Variants in ZNF865 observed in about 807,000 individuals in gnomAD.
ZNF865 encodes zinc finger protein 865.
For missense variants in ZNF865, 1,311 were observed against 1,593.4 expected, an observed-to-expected ratio of 0.82 and a Z score of 3.02; for synonymous variants, 763 against 750.8, an observed-to-expected ratio of 1.02 and a Z score of -0.27.
intron 1 of ZNF865, among the ~76,000 whole-genome samples, chr19:55,608,352 T>C (rs139282808): frequency 0.012 from 1,741 of 148,500 alleles, 41 homozygotes; most frequent in African/African-American, 0.041. Flanking sequence ...TTCGCTCTTG[T>C]TGCCCAGGCT....
At position 55,615,684 on chromosome 19, in the gene ZNF865, A is replaced by G; in HGVS notation, c.2066A>G (p.Glu689Gly). The G allele has an allele frequency of 6.5e-7, 1 of 1,534,370 alleles. No homozygotes were observed. The change falls in exon 2 of 2, where the codon GAG becomes GGG. Residue 689 changes from glutamate to glycine, a missense_variant. By Grantham distance (98) the Glu-to-Gly change is moderately conservative. Transcript: ENST00000568956. The part of the protein sequence containing the change: ...PDLFHVMSHK[E>G]VHMAEKPYGC... ...CTCTTTCACGTCATGAGTCACAAGGAGGTCCACATGGCAGAGAAGCCATAC... is the reference window on the plus strand; with the variant it reads ...CTCTTTCACGTCATGAGTCACAAGGGGGTCCACATGGCAGAGAAGCCATAC...
In ZNF865 at chr19:55,617,018, C is replaced by T; in HGVS notation, c.*220C>T. 1 of 456,896 alleles carries T rather than the reference C, an allele frequency of 2.2e-6. No individual in the cohort carries two copies. The highest frequency in any genetic ancestry group is 5.9e-5 in the South Asian group (1 of 16,994). The allele number at this position is 456,896 out of a possible 1,614,324, so 28.3% of individuals were successfully genotyped here. ...CATCCCATCAGACACTGAACCCTAT[C>T]CTCCGTCCAACCCTCGTTTGTGACC... is the stretch of plus-strand genomic sequence containing the variant. On this transcript the variant is annotated 3_prime_UTR_variant, in exon 2 of 2. Coordinates refer to ENST00000568956, the MANE Select transcript of ZNF865 (RefSeq NM_001195605.2).
Position 55,613,804 on chromosome 19 carries a change from C to CG in ZNF865, c.188dup (p.Pro66AlafsTer13), listed in dbSNP as rs1600012689. ...CGGTGGCGGCCCTGCCCTGCGCCCC[C>CG]GGCCCCCCGCCGCAGCCCCCGCCGC... On this transcript the variant is annotated frameshift_variant, in exon 2 of 2. Coordinates refer to ENST00000568956, the MANE Select transcript of ZNF865 (RefSeq NM_001195605.2). LOFTEE classifies it low-confidence loss of function (END_TRUNC). The CG allele has an allele frequency of 1.3e-6, 2 of 1,507,870 alleles. No homozygotes were observed. Among genetic ancestry groups the CG allele is most frequent in the Non-Finnish European group, 8.8e-7 (1 of 1,132,510 alleles). The allele number at this position is 1,507,870 out of a possible 1,614,324, so 93.4% of individuals were successfully genotyped here.
At chr19:55,613,458 A>G in intron 1 of ZNF865, 135 bp from the exon 2 acceptor site, 1 of 799,994 alleles carries the variant, frequency 1.3e-6, no homozygotes, top group Non-Finnish European at 1.9e-6. Context: ...GGACAGGCAG[A>G]GGGACTGGAA....
Position 55,614,270 on chromosome 19 carries a change from T to G in ZNF865, c.652T>G (p.Tyr218Asp). Residue 218 changes from tyrosine to aspartate, a missense_variant, in exon 2 of 2, where the codon TAC (tyrosine) becomes GAC (aspartate). Tyr to Asp is a radical substitution (Grantham distance 160, BLOSUM62 -3). Transcript: ENST00000568956. The surrounding 1 kb of genome is among the most constrained non-coding windows in gnomAD (Gnocchi z 8.0). ...CAAGGGCTACTTCCGGAGACTGAAGTACCTGATGGAGCGGCGCTTCCCCTG... is the reference window on the plus strand; with the variant it reads ...CAAGGGCTACTTCCGGAGACTGAAGGACCTGATGGAGCGGCGCTTCCCCTG... Reference protein sequence around the residue: ...DDKGYFRRLKYLMERRFPCGV... With the variant: ...DDKGYFRRLKDLMERRFPCGV... The G allele has an allele frequency of 2.6e-6, 4 of 1,516,810 alleles. No homozygotes were observed. Among genetic ancestry groups the G allele is most frequent in the Non-Finnish European group, 3.5e-6 (4 of 1,137,798 alleles). The allele number at this position is 1,516,810 out of a possible 1,614,324, so 94.0% of individuals were successfully genotyped here. A position where few individuals can be genotyped will look rare whatever the true frequency, so the allele number is the denominator to read the frequency against.
intron 1 of ZNF865, among the ~76,000 whole-genome samples, chr19:55,608,439 C>T (rs533923026): frequency 1.2e-4 from 19 of 152,050 alleles, no homozygotes; most frequent in East Asian, 1.2e-3. Context: ...CTCAGCCTCC[C>T]GAGTAGCTGG....
In ZNF865 at chr19:55,614,341, G is replaced by A; in HGVS notation, c.723G>A (p.Gln241=). 1 of 1,492,902 alleles carries A rather than the reference G, an allele frequency of 6.7e-7. No homozygotes were observed. The highest frequency in any genetic ancestry group is 2.8e-5 in the East Asian group (1 of 36,040). The allele number at this position is 1,492,902 out of a possible 1,614,324, so 92.5% of individuals were successfully genotyped here. Residue 241 remains glutamine (Q), a synonymous_variant, in exon 2 of 2, where the codon CAG becomes CAA. Transcript: ENST00000568956. This position sits in a 1 kb window ranked among gnomAD's most constrained non-coding sequence, Gnocchi z 8.0. ...TCAAGCAGTCCTCGCACCTGGTCCA[G>A]CACATGCTGGTGCACTCGGGGGAGA... ...KSFKQSSHLV[Q]HMLVHSGERP... is the part of the protein sequence containing the mutation.
chr19:55,616,120 C>T lies in ZNF865; in HGVS notation c.2502C>T (p.Asp834=). 1 of 1,492,802 alleles carries T rather than the reference C, an allele frequency of 6.7e-7. No homozygotes were observed. Among genetic ancestry groups the T allele is most frequent in the Non-Finnish European group, 8.9e-7 (1 of 1,123,308 alleles). 92.5% of individuals were successfully genotyped at this position (1,492,802 alleles called of 1,614,324 possible). The change falls in exon 2 of 2, where the codon GAC becomes GAT. Residue 834 remains aspartate (D), a synonymous_variant. Transcript: ENST00000568956. ...GCCAGAGCTTCGCGGGCGCCTACGA[C>T]TTGCTCCTACACCGCCGCAGCCATC... The part of the protein sequence containing the change: ...LCGQSFAGAY[D]LLLHRRSHRQ...
intron 1 of ZNF865, among the ~76,000 whole-genome samples, chr19:55,606,142 C>A (rs1980932094): frequency 6.6e-6 from 1 of 152,104 alleles, no homozygotes; most frequent in Non-Finnish European, 1.5e-5. Flanking sequence ...ATAATTCTCC[C>A]CAGAGTGTTT....
chr19:55,614,956 C>T lies in ZNF865; in HGVS notation c.1338C>T (p.Cys446=). The change falls in exon 2 of 2, where the codon TGC becomes TGT. Residue 446 remains cysteine, a synonymous_variant. Coordinates refer to ENST00000568956, the MANE Select transcript of ZNF865 (RefSeq NM_001195605.2). The surrounding 1 kb of genome is among the most constrained non-coding windows in gnomAD (Gnocchi z 8.0). ...GPRPVYPCDL[C]GKSYSAPQSL... Reference sequence around the variant, plus strand: ...GGCCCGTGTACCCCTGCGACCTGTGCGGCAAGTCCTACTCGGCTCCGCAGA... The same window carrying T: ...GGCCCGTGTACCCCTGCGACCTGTGTGGCAAGTCCTACTCGGCTCCGCAGA... 5 of 1,469,768 alleles carry T rather than the reference C, an allele frequency of 3.4e-6. No individual in the cohort carries two copies. Among genetic ancestry groups the T allele is most frequent in the Non-Finnish European group, 4.5e-6 (5 of 1,117,922 alleles). 91.0% of individuals were successfully genotyped at this position (1,469,768 alleles called of 1,614,324 possible).
intron 1 of ZNF865, among the ~76,000 whole-genome samples, chr19:55,608,754 A>G (rs1039273790): frequency 6.6e-6 from 1 of 152,238 alleles, no homozygotes; most frequent in Non-Finnish European, 1.5e-5. Flanking sequence ...AACAAGCCAC[A>G]TAAGGCACCT....
rs1230934268 is a variant in ZNF865 at position 55,615,139 on chromosome 19, G to C, written c.1521G>C (p.Ala507=). 4 of 1,192,714 alleles carry C rather than the reference G, an allele frequency of 3.4e-6. No homozygotes were observed. Among genetic ancestry groups the C allele is most frequent in the South Asian group, 5.7e-5 (2 of 35,026 alleles). The allele number at this position is 1,192,714 out of a possible 1,614,324, so 73.9% of individuals were successfully genotyped here. ...DPPTTDSEKA[A]AAAAAVVYGA... is the part of the protein sequence containing the mutation. Reference sequence around the variant, plus strand: ...CCACCACAGACAGCGAGAAGGCGGCGGCGGCCGCGGCGGCGGTGGTGTACG... The same window carrying C: ...CCACCACAGACAGCGAGAAGGCGGCCGCGGCCGCGGCGGCGGTGGTGTACG... The change falls in exon 2 of 2, where the codon GCG becomes GCC. Residue 507 remains alanine, a synonymous_variant. Coordinates refer to ENST00000568956, the MANE Select transcript of ZNF865 (RefSeq NM_001195605.2).
chr19:55,613,894 C>T lies in ZNF865; in HGVS notation c.276C>T (p.Pro92=), dbSNP rs988492707. 3 of 1,515,058 alleles carry T rather than the reference C, an allele frequency of 2.0e-6. No individual in the cohort carries two copies. In the African/African-American group the frequency reaches 4.2e-5, roughly 21 times the overall value. 93.9% of individuals were successfully genotyped at this position (1,515,058 alleles called of 1,614,324 possible). The stretch of plus-strand genomic sequence containing the variant: ...CCTTCAAGCCCAAGGCGGAGGTGCC[C>T]TCCTCGTCCTCGTCCTCGTCCTCCT... ...QSTFKPKAEV[P]SSSSSSSSSS... The change falls in exon 2 of 2, where the codon CCC becomes CCT. Residue 92 remains proline, a synonymous_variant. Coordinates refer to ENST00000568956, the MANE Select transcript of ZNF865 (RefSeq NM_001195605.2).
In ZNF865 at chr19:55,615,230, G is replaced by C; in HGVS notation, c.1612G>C (p.Ala538Pro). 1 of 1,505,378 alleles carries C rather than the reference G, an allele frequency of 6.6e-7. No individual in the cohort carries two copies. The highest frequency in any genetic ancestry group is 8.8e-7 in the Non-Finnish European group (1 of 1,134,800). 93.3% of individuals were successfully genotyped at this position (1,505,378 alleles called of 1,614,324 possible). A position where few individuals can be genotyped will look rare whatever the true frequency, so the allele number is the denominator to read the frequency against. ...GCTCGGCGGCGCGGGGACCAGCGGG[G>C]CGGGAGGCTCGGGCGCCAGCGTCCC... ...LLLGGAGTSGAGGSGASVPGK... is the reference protein window; with the variant it reads ...LLLGGAGTSGPGGSGASVPGK... Residue 538 changes from alanine to proline, a missense_variant, in exon 2 of 2, where the codon GCG becomes CCG. Coordinates refer to ENST00000568956, the MANE Select transcript of ZNF865 (RefSeq NM_001195605.2).
At position 55,616,337 on chromosome 19, in the gene ZNF865, G is replaced by C. The variant is rs1248743733; in HGVS notation, c.2719G>C (p.Gly907Arg). The change falls in exon 2 of 2, where the codon GGC becomes CGC. Residue 907 changes from glycine to arginine, a missense_variant. Physicochemically the swap from Gly to Arg is moderately radical, Grantham distance 125 (BLOSUM62 -2). Transcript: ENST00000568956. ...CACTGGCGAGCGGGCCTTCAAGTGC[G>C]GCGTGTGCGCCAAGCGCTTCGCGCA... The part of the protein sequence containing the change: ...VHTGERAFKC[G>R]VCAKRFAQSS... The C allele has an allele frequency of 2.0e-6, 3 of 1,522,540 alleles. No homozygotes were observed. The highest frequency in any genetic ancestry group is 1.4e-5 in the African/African-American group (1 of 72,196). 94.3% of individuals were successfully genotyped at this position (1,522,540 alleles called of 1,614,324 possible).
In ZNF865 at chr19:55,614,896, G is replaced by A. The variant is rs759100468; in HGVS notation, c.1278G>A (p.Gln426=). 1.3e-6 allele frequency: 2 copies of A among 1,498,034 alleles called. No homozygotes were observed. The highest frequency in any genetic ancestry group is 1.3e-5 in the South Asian group (1 of 78,612). The allele number at this position is 1,498,034 out of a possible 1,614,324, so 92.8% of individuals were successfully genotyped here. Residue 426 remains glutamine, a synonymous_variant, in exon 2 of 2, where the codon CAG becomes CAA. Transcript: ENST00000568956. The surrounding 1 kb of genome is among the most constrained non-coding windows in gnomAD (Gnocchi z 8.0). ...ACGCCTCCTACCTCCTCAAGCACCA[G>A]GCGGCCCACGCGGGGGCGGGCGCCG... The part of the protein sequence containing the change: ...FRDASYLLKH[Q]AAHAGAGAGG...
intron 1 of ZNF865, among the ~76,000 whole-genome samples, chr19:55,608,662 G>A (rs1037749855): frequency 6.6e-6 from 1 of 152,140 alleles, no homozygotes; most frequent in East Asian, 1.9e-4. Context: ...GTTTGGGACC[G>A]AGGATAGACA....
chr19:55,614,908 G>C lies in ZNF865; in HGVS notation c.1290G>C (p.Ala430=), dbSNP rs1375645609. Residue 430 remains alanine, a synonymous_variant, in exon 2 of 2, where the codon GCG becomes GCC. Transcript: ENST00000568956. The surrounding 1 kb of genome is among the most constrained non-coding windows in gnomAD (Gnocchi z 8.0). ...TCCTCAAGCACCAGGCGGCCCACGC[G>C]GGGGCGGGCGCCGGGGGGCCTCGGC... is the stretch of plus-strand genomic sequence containing the variant. The part of the protein sequence containing the change: ...SYLLKHQAAH[A]GAGAGGPRPV... The C allele has an allele frequency of 9.4e-6, 14 of 1,487,234 alleles. No individual in the cohort carries two copies. In the East Asian group the frequency reaches 1.3e-4, roughly 13 times the overall value. 92.1% of individuals were successfully genotyped at this position (1,487,234 alleles called of 1,614,324 possible). A position where few individuals can be genotyped will look rare whatever the true frequency, so the allele number is the denominator to read the frequency against.
At chr19:55,608,003 C>T (rs533805337) in intron 1 of ZNF865, among the ~76,000 whole-genome samples, 2 of 152,264 alleles carry the variant, frequency 1.3e-5, no homozygotes, top group Non-Finnish European at 2.9e-5. Flanking sequence ...GGGAGACCAA[C>T]AAAATCAAGG....
Sources: gnomAD v4.1 joint callset for allele counts (sites outside exome capture counted in the v4.1 genomes callset) on GRCh38, gnomAD v4.1.1 for gene constraint, Gnocchi (gnomAD v3.1) non-coding constraint, MANE v1.5 for transcripts, NCBI Gene and HGNC (gene_info 2026-07-23, HGNC 2026-07-21) for gene names.